Variants in ABCA13 observed in about 807,000 individuals in gnomAD.
ABCA13 encodes ATP-binding cassette sub-family A member 13.
ABCA13 carries 476 observed loss-of-function variants against 478.7 expected under a neutral mutation model. That is an observed-to-expected ratio of 0.99 (90% CI 0.92 to 1.07). The LOEUF is 1.07. ABCA13 is among the 50% of genes least tolerant of loss of function. The pLI is 0.00. For missense variants in ABCA13, 6,060 were observed against 5,910.6 expected (o/e 1.03, Z -0.83); for synonymous variants, 2,252 against 2,158.9 (o/e 1.04, Z -1.20).
chr7:48,199,631 A>G (rs952529236), intron 3 of ABCA13, among the ~76,000 whole-genome samples: 1 of 152,216 alleles, frequency 6.6e-6, no homozygotes, highest in African/African-American at 2.4e-5. Flanking sequence ...TCATATAGAA[A>G]TATGATATAA....
In ABCA13 at chr7:48,273,364, A is replaced by G. The variant is rs936705283; in HGVS notation, c.3698A>G (p.Asp1233Gly). Reference sequence around the variant, plus strand: ...TGGGAGGACTTCCTGGATCTCAGGGATTTTTTGGTAGCTTTAGGTAATGCA... The same window carrying G: ...TGGGAGGACTTCCTGGATCTCAGGGGTTTTTTGGTAGCTTTAGGTAATGCA... ...HNWEDFLDLR[D>G]FLVALGNALV... Residue 1233 changes from aspartate (D) to glycine (G), a missense_variant, in exon 17 of 62, where the codon GAT (aspartate) becomes GGT (glycine). By Grantham distance (94) the Asp-to-Gly change is moderately conservative. Coordinates refer to ENST00000435803, the MANE Select transcript of ABCA13 (RefSeq NM_152701.5). The G allele has an allele frequency of 6.8e-6, 11 of 1,613,526 alleles. No individual in the cohort carries two copies. Among genetic ancestry groups the G allele is most frequent in the Non-Finnish European group, 9.3e-6 (11 of 1,179,736 alleles).
chr7:48,302,624 G>T lies in ABCA13; in HGVS notation c.9321+4137G>T, dbSNP rs980989221. 3.9e-5 allele frequency among the ~76,000 whole-genome samples: 6 copies of T among 152,220 alleles called. No homozygotes were observed. The South Asian group carries it at 1.2e-3, about 32-fold the overall frequency. On this transcript the variant is annotated intron_variant, in intron 23 of 61. Coordinates refer to ENST00000435803, the MANE Select transcript of ABCA13 (RefSeq NM_152701.5). ...TCATTTTCTGTTCCTGTGTTCATTT[G>T]CTGACGATAATGGCCTCCAGCTCCA...
intron 48 of ABCA13, among the ~76,000 whole-genome samples, chr7:48,501,474 C>A (rs1299216759): frequency 6.6e-6 from 1 of 152,102 alleles, no homozygotes; most frequent in African/African-American, 2.4e-5. Flanking sequence ...TAAATATTTA[C>A]TCTATGACAA....
At chr7:48,267,115 A>C (rs1483313348) in intron 15 of ABCA13, among the ~76,000 whole-genome samples, 1 of 152,018 alleles carries the variant, frequency 6.6e-6, no homozygotes, top group Non-Finnish European at 1.5e-5. Context: ...ACCTTGGTAA[A>C]TGCTCCATAT....
chr7:48,316,244 G>A (rs1584802931), intron 26 of ABCA13, among the ~76,000 whole-genome samples: 1 of 152,000 alleles, frequency 6.6e-6, no homozygotes, highest in Non-Finnish European at 1.5e-5. Flanking sequence ...GTCAAAATTC[G>A]TAAGTTTGAT....
intron 38 of ABCA13, among the ~76,000 whole-genome samples, chr7:48,394,765 T>C (rs976469669): frequency 2.0e-5 from 3 of 152,116 alleles, no homozygotes; most frequent in Non-Finnish European, 4.4e-5. Flanking sequence ...TTAGTGGTGA[T>C]TTGTGAGATT....
At chr7:48,481,260 T>A in intron 46 of ABCA13, 106 bp downstream of exon 46, 1 of 880,796 alleles carries the variant, frequency 1.1e-6, no homozygotes, top group East Asian at 2.7e-5. Context: ...AAGACTGACC[T>A]TGGTGCTCAT....
At chr7:48,574,220 A>G (rs1585854917) in intron 55 of ABCA13, among the ~76,000 whole-genome samples, 1 of 152,162 alleles carries the variant, frequency 6.6e-6, no homozygotes, top group South Asian at 2.1e-4. Context: ...TTTACTTCAA[A>G]GAGAATTCTC....
At chr7:48,266,787 A>G (rs1303821458) in intron 15 of ABCA13, among the ~76,000 whole-genome samples, 1 of 151,806 alleles carries the variant, frequency 6.6e-6, no homozygotes, top group Non-Finnish European at 1.5e-5. Flanking sequence ...CATCAATTTG[A>G]TACCATTTTG....
chr7:48,221,399 A>T (rs1375071760), intron 5 of ABCA13, 90 bp downstream of exon 5: 2 of 652,982 alleles, frequency 3.1e-6, no homozygotes, highest in East Asian at 3.5e-5. Context: ...ATTTTCAAAG[A>T]TTATTTCTAA....
At chr7:48,219,850 T>C (rs942602095) in intron 4 of ABCA13, among the ~76,000 whole-genome samples, 2 of 149,544 alleles carry the variant, frequency 1.3e-5, no homozygotes, top group African/African-American at 2.5e-5. Flanking sequence ...CTTTCTCTTA[T>C]TCTGTTTTTA....
At chr7:48,542,787 T>C (rs570580397) in intron 55 of ABCA13, among the ~76,000 whole-genome samples, 1 of 151,880 alleles carries the variant, frequency 6.6e-6, no homozygotes, top group Admixed American at 6.6e-5. Flanking sequence ...CCAATTGATA[T>C]TGCAGAGAAT....
chr7:48,274,879 ATGT>A lies in ABCA13; in HGVS notation c.5217_5219del (p.Val1740del), dbSNP rs1476721942. ...CAGCTCTCACGCCTGTTTCCTAAAG[ATGT>A]TGTGGATGCTGTGATAGATGTGTAC... On this transcript the variant is annotated inframe_deletion, in exon 17 of 62. Transcript: ENST00000435803. The A allele has an allele frequency of 5.0e-6, 8 of 1,613,946 alleles. No individual in the cohort carries two copies. The highest frequency in any genetic ancestry group is 1.6e-4 in the Middle Eastern group (1 of 6,062).
At chr7:48,547,540 T>C (rs545527785) in intron 55 of ABCA13, among the ~76,000 whole-genome samples, 2 of 152,004 alleles carry the variant, frequency 1.3e-5, no homozygotes, top group South Asian at 4.2e-4. Flanking sequence ...TGCCTCAGGC[T>C]TCCATGGGGA....
intron 51 of ABCA13, among the ~76,000 whole-genome samples, chr7:48,513,558 T>C (rs1831876096): frequency 6.6e-6 from 1 of 152,188 alleles, no homozygotes; most frequent in African/African-American, 2.4e-5. Flanking sequence ...TCCTGCTTGG[T>C]GTCTTGGGAA....
chr7:48,416,860 T>C (rs1357997401), intron 41 of ABCA13, among the ~76,000 whole-genome samples: 1 of 152,064 alleles, frequency 6.6e-6, no homozygotes, highest in Non-Finnish European at 1.5e-5. Context: ...TCGGGCCTGT[T>C]AAGAGCTTGC....
intron 17 of ABCA13, among the ~76,000 whole-genome samples, chr7:48,277,736 C>G (rs555743696): frequency 6.6e-6 from 1 of 152,328 alleles, no homozygotes; most frequent in Admixed American, 6.5e-5. Flanking sequence ...ATGCTAACCA[C>G]TTTTCAGACA....
chr7:48,478,444 G>A (rs1434767589), intron 45 of ABCA13, among the ~76,000 whole-genome samples: 3 of 151,826 alleles, frequency 2.0e-5, no homozygotes, highest in African/African-American at 7.3e-5. Context: ...AACTCTAAAA[G>A]CAGATTAATT....
At chr7:48,419,010 G>A (rs1193501387) in intron 41 of ABCA13, among the ~76,000 whole-genome samples, 2 of 152,164 alleles carry the variant, frequency 1.3e-5, no homozygotes, top group East Asian at 3.8e-4. Context: ...AGGCAAAGAG[G>A]GAGCAGGCAT....
Sources: allele counts gnomAD v4.1 joint callset (sites outside exome capture counted in the v4.1 genomes callset), GRCh38; gene constraint gnomAD v4.1.1; transcripts MANE v1.5; gene names NCBI Gene and HGNC (gene_info 2026-07-23, HGNC 2026-07-21).